OSBPL3: variants seen among roughly 807,000 people sequenced by gnomAD.
OSBPL3 encodes oxysterol-binding protein-related protein 3.
A neutral mutation model predicts 120.1 loss-of-function variants in OSBPL3; 65 were observed. The observed-to-expected ratio is 0.54, with a 90% confidence interval of 0.44 to 0.67. The LOEUF (loss-of-function observed/expected upper bound fraction) is 0.67. OSBPL3 is among the 30% of genes least tolerant of loss of function. The pLI, the probability that OSBPL3 is intolerant of heterozygous loss-of-function variation, is 0.00. For synonymous variants in OSBPL3, 416 were observed against 402.6 expected (o/e 1.03, Z -0.40); for missense variants, 1,004 against 1,082.1 (o/e 0.93, Z 1.01).
At position 24,806,997 on chromosome 7, in the gene OSBPL3, T is replaced by G; in HGVS notation, c.2318-95A>C. ...TTTTCGTCTCAGCCTAGCTACAATT[T>G]TTCTCTCTCAGCTCCCTTCCATTTC... On this transcript the variant is annotated intron_variant, in intron 20 of 22. Coordinates refer to ENST00000313367, the MANE Select transcript of OSBPL3 (RefSeq NM_015550.4). The surrounding 1 kb of genome is among the most constrained non-coding windows in gnomAD (Gnocchi z 5.2). 1 of 1,092,440 alleles carries G rather than the reference T, an allele frequency of 9.2e-7. No individual in the cohort carries two copies. The highest frequency in any genetic ancestry group is 2.3e-5 in the Admixed American group (1 of 44,082). The allele number at this position is 1,092,440 out of a possible 1,614,324, so 67.7% of individuals were successfully genotyped here.
Position 24,818,766 on chromosome 7 carries a change from TA to T in OSBPL3, c.1948+1408del, listed in dbSNP as rs1794773292. Among the ~76,000 whole-genome samples the T allele has an allele frequency of 6.6e-6, 1 of 152,080 alleles. No homozygotes were observed. Among genetic ancestry groups the T allele is most frequent in the Admixed American group, 6.5e-5 (1 of 15,278 alleles). On this transcript the variant is annotated intron_variant, in intron 17 of 22. Coordinates refer to ENST00000313367, the MANE Select transcript of OSBPL3 (RefSeq NM_015550.4). The surrounding 1 kb of genome is among the most constrained non-coding windows in gnomAD (Gnocchi z 4.0). The stretch of plus-strand genomic sequence containing the variant: ...ACGGAAATGGTTTACACAACCTACA[TA>T]AAAGGCAGAGAAATGTCAGGCTGGG...
At chr7:24,920,882 C>A (rs1409838211) in intron 1 of OSBPL3, among the ~76,000 whole-genome samples, 1 of 152,132 alleles carries the variant, frequency 6.6e-6, no homozygotes, top group Non-Finnish European at 1.5e-5. Context: ...AACACCTGTA[C>A]AAATTATGAT....
chr7:24,860,233 T>TA (rs1800338341), intron 10 of OSBPL3, among the ~76,000 whole-genome samples: 1 of 152,214 alleles, frequency 6.6e-6, no homozygotes. Flanking sequence ...TACCCCTTTA[T>TA]AATCACACTC....
At position 24,805,732 on chromosome 7, in the gene OSBPL3, C is replaced by T. The variant is rs1031048399; in HGVS notation, c.2444+1044G>A. Among the ~76,000 whole-genome samples, 5 of 152,148 alleles carry T rather than the reference C, an allele frequency of 3.3e-5. No individual in the cohort carries two copies. Among genetic ancestry groups the T allele is most frequent in the South Asian group, 4.1e-4 (2 of 4,832 alleles). ...GGGACCAACTGTTACAGCTGACATACGTAAACTGTTTCACATCTCTTTTAG... is the reference window on the plus strand; with the variant it reads ...GGGACCAACTGTTACAGCTGACATATGTAAACTGTTTCACATCTCTTTTAG... On this transcript the variant is annotated intron_variant, in intron 21 of 22. Transcript: ENST00000313367. The surrounding 1 kb of genome is among the most constrained non-coding windows in gnomAD (Gnocchi z 4.0).
intron 1 of OSBPL3, among the ~76,000 whole-genome samples, chr7:24,915,714 C>T (rs1343099161): frequency 1.3e-5 from 2 of 152,016 alleles, no homozygotes; most frequent in East Asian, 1.9e-4. Flanking sequence ...GCTGAAATTA[C>T]AGGCAGCTGC....
intron 13 of OSBPL3, among the ~76,000 whole-genome samples, chr7:24,841,844 C>G (rs1797811644): frequency 6.6e-6 from 1 of 151,618 alleles, no homozygotes; most frequent in Non-Finnish European, 1.5e-5. Context: ...AAACCCTGGT[C>G]TCTACTAAAA....
intron 16 of OSBPL3, among the ~76,000 whole-genome samples, chr7:24,825,486 A>T (rs539184526): frequency 6.6e-6 from 1 of 152,358 alleles, no homozygotes; most frequent in South Asian, 2.1e-4. Context: ...AAAAAATTAA[A>T]AAACAAAAAC....
At chr7:24,931,425 A>C (rs1811773926) in intron 1 of OSBPL3, among the ~76,000 whole-genome samples, 1 of 152,132 alleles carries the variant, frequency 6.6e-6, no homozygotes, top group Admixed American at 6.5e-5. Flanking sequence ...GGGAGGTCTG[A>C]TCTAACCACA....
chr7:24,973,771 C>T (rs1373584174), intron 1 of OSBPL3, among the ~76,000 whole-genome samples: 1 of 152,132 alleles, frequency 6.6e-6, no homozygotes, highest in Non-Finnish European at 1.5e-5. Context: ...TCAATATTTC[C>T]CAATCCTTTC....
rs764655657 is a variant in OSBPL3, at chr7:24,822,813, C to A, written c.1885-2575G>T. 4.1e-4 allele frequency among the ~76,000 whole-genome samples: 63 copies of A among 152,122 alleles called. No individual in the cohort carries two copies. The highest frequency in any genetic ancestry group is 6.6e-4 in the Non-Finnish European group (45 of 68,032). ...ATACACACATCTCATAAAAACCCAA[C>A]CTTGATTTTTTTAAACTATTGTGTT... On this transcript the variant is annotated intron_variant, in intron 16 of 22. Coordinates refer to ENST00000313367, the MANE Select transcript of OSBPL3 (RefSeq NM_015550.4). This position sits in a 1 kb window ranked among gnomAD's most constrained non-coding sequence, Gnocchi z 5.8.
At chr7:24,961,771 G>A (rs1815771029) in intron 1 of OSBPL3, among the ~76,000 whole-genome samples, 1 of 152,202 alleles carries the variant, frequency 6.6e-6, no homozygotes, top group South Asian at 2.1e-4. Context: ...AGGACTGGCA[G>A]TCAGCATAGT....
At chr7:24,925,925 A>T (rs752852333) in intron 1 of OSBPL3, among the ~76,000 whole-genome samples, 1 of 152,256 alleles carries the variant, frequency 6.6e-6, no homozygotes, top group Non-Finnish European at 1.5e-5. Context: ...AAGATGATAT[A>T]ACTGGAATTA....
rs1163109130 is a variant in OSBPL3 at position 24,947,888 on chromosome 7, C to T, written c.-150+31998G>A. 2.6e-5 allele frequency among the ~76,000 whole-genome samples: 4 copies of T among 152,026 alleles called. No homozygotes were observed. Among genetic ancestry groups the T allele is most frequent in the Non-Finnish European group, 5.9e-5 (4 of 68,012 alleles). ...ACTGTACAGGGGAACAATATAATGT[C>T]CCCAAAGAGCTCTATCCATTCACTG... On this transcript the variant is annotated intron_variant, in intron 1 of 22. Transcript: ENST00000313367. The surrounding 1 kb of genome is among the most constrained non-coding windows in gnomAD (Gnocchi z 4.4).
chr7:24,844,662 GT>G (rs527578675), intron 12 of OSBPL3, among the ~76,000 whole-genome samples: 5 of 151,526 alleles, frequency 3.3e-5, no homozygotes, highest in African/African-American at 9.7e-5. Context: ...TTGCAAGATA[GT>G]TTTTTTTCAA....
intron 12 of OSBPL3, among the ~76,000 whole-genome samples, chr7:24,846,482 T>C (rs1196590584): frequency 3.9e-5 from 6 of 152,230 alleles, no homozygotes; most frequent in Non-Finnish European, 8.8e-5. Context: ...AAGAATTAAG[T>C]TCCCTTCTCT....
intron 1 of OSBPL3, among the ~76,000 whole-genome samples, chr7:24,954,950 A>G (rs567213107): frequency 2.6e-5 from 4 of 152,302 alleles, no homozygotes; most frequent in African/African-American, 4.8e-5. Flanking sequence ...GTAGAGGGTG[A>G]GCAAACAGGG....
Position 24,971,141 on chromosome 7 carries a change from G to A in OSBPL3, c.-150+8745C>T, listed in dbSNP as rs191141736. On this transcript the variant is annotated intron_variant, in intron 1 of 22. Transcript: ENST00000313367. ...GAACTACATCCATCCTCTGATCCTCGGACTGCCAGTCCAGTGCTGTTCAGC... is the reference window on the plus strand; with the variant it reads ...GAACTACATCCATCCTCTGATCCTCAGACTGCCAGTCCAGTGCTGTTCAGC... Among the ~76,000 whole-genome samples the A allele has an allele frequency of 2.4e-3, 373 of 152,294 alleles. 1 individual carries two copies. Among genetic ancestry groups the A allele is most frequent in the African/African-American group, 8.4e-3 (351 of 41,562 alleles).
Position 24,805,733 on chromosome 7 carries a change from G to A in OSBPL3, c.2444+1043C>T, listed in dbSNP as rs1303334483. 2.0e-5 allele frequency among the ~76,000 whole-genome samples: 3 copies of A among 152,116 alleles called. No homozygotes were observed. Among genetic ancestry groups the A allele is most frequent in the African/African-American group, 7.2e-5 (3 of 41,404 alleles). On this transcript the variant is annotated intron_variant, in intron 21 of 22. Transcript: ENST00000313367. The surrounding 1 kb of genome is among the most constrained non-coding windows in gnomAD (Gnocchi z 4.0). ...GGACCAACTGTTACAGCTGACATAC[G>A]TAAACTGTTTCACATCTCTTTTAGG...
intron 1 of OSBPL3, among the ~76,000 whole-genome samples, chr7:24,977,573 C>T (rs1326722375): frequency 2.6e-5 from 4 of 151,792 alleles, no homozygotes; most frequent in African/African-American, 7.3e-5. Flanking sequence ...ATTAAGCTTA[C>T]GGGCAGGGCG....
Sources: allele counts gnomAD v4.1 joint callset (sites outside exome capture counted in the v4.1 genomes callset), GRCh38; gene constraint gnomAD v4.1.1; non-coding constraint Gnocchi (gnomAD v3.1); transcripts MANE v1.5; gene names NCBI Gene and HGNC (gene_info 2026-07-23, HGNC 2026-07-21).